GRID2: variants seen among roughly 807,000 people sequenced by gnomAD.
The protein encoded by GRID2 is glutamate receptor ionotropic, delta-2.
Under a neutral mutation model 114.8 loss-of-function variants are expected in GRID2, and 33 were observed. That is an observed-to-expected ratio of 0.29 (90% CI 0.22 to 0.38). The LOEUF is 0.38. Among genes scored for constraint, GRID2 ranks in the 10% least tolerant of loss-of-function variants. The pLI is 1.00. For missense variants in GRID2, 1,184 were observed against 1,257.7 expected (o/e 0.94, Z 0.89); for synonymous variants, 505 against 449.9 (o/e 1.12, Z -1.55).
At chr4:92,445,409 C>A (rs1733403291) in intron 1 of GRID2, among the ~76,000 whole-genome samples, 1 of 152,022 alleles carries the variant, frequency 6.6e-6, no homozygotes, top group African/African-American at 2.4e-5. Context: ...AGGCTTTTGC[C>A]TGAAGTTTAT....
At position 92,810,173 on chromosome 4, in the gene GRID2, A is replaced by T. The variant is rs182603692; in HGVS notation, c.244+219887A>T. 4.8e-3 allele frequency among the ~76,000 whole-genome samples: 732 copies of T among 152,146 alleles called. 10 individuals are homozygous for T. Among genetic ancestry groups the T allele is most frequent in the African/African-American group, 0.017 (694 of 41,546 alleles). Reference sequence around the variant, plus strand: ...TGAATGTCACTTATGTCTCTGAAAGAACTTAAAATTTTTTGAAAATTCATT... The same window carrying T: ...TGAATGTCACTTATGTCTCTGAAAGTACTTAAAATTTTTTGAAAATTCATT... On this transcript the variant is annotated intron_variant, in intron 2 of 15. Transcript: ENST00000282020.
At chr4:92,433,400 G>A (rs1010943425) in intron 1 of GRID2, among the ~76,000 whole-genome samples, 2 of 152,194 alleles carry the variant, frequency 1.3e-5, no homozygotes, top group South Asian at 2.1e-4. Context: ...CTGCAATGGC[G>A]GTGCTTGCCA....
At chr4:93,109,213 C>T (rs551589990) in intron 3 of GRID2, among the ~76,000 whole-genome samples, 1 of 152,284 alleles carries the variant, frequency 6.6e-6, no homozygotes, top group Non-Finnish European at 1.5e-5. Flanking sequence ...ATCTCATCCT[C>T]TGCCCTAGCT....
intron 2 of GRID2, among the ~76,000 whole-genome samples, chr4:92,823,732 T>C (rs1741463791): frequency 2.0e-5 from 3 of 152,180 alleles, no homozygotes; most frequent in Admixed American, 1.3e-4. Flanking sequence ...GAGGTGCTAA[T>C]CTGATAAACT....
intron 4 of GRID2, among the ~76,000 whole-genome samples, chr4:93,173,096 T>C (rs1739007703): frequency 6.6e-6 from 1 of 152,148 alleles, no homozygotes; most frequent in Non-Finnish European, 1.5e-5. Flanking sequence ...TGTATTGCCT[T>C]AAAAATCAAG....
At chr4:93,399,041 G>A (rs773523839) in intron 9 of GRID2, among the ~76,000 whole-genome samples, 20 of 151,698 alleles carry the variant, frequency 1.3e-4, no homozygotes, top group African/African-American at 1.9e-4. Context: ...AGCAACTCCC[G>A]AATCTTGAGG....
At chr4:93,529,676 C>T (rs375505388) in intron 13 of GRID2, among the ~76,000 whole-genome samples, 8 of 151,748 alleles carry the variant, frequency 5.3e-5, no homozygotes, top group African/African-American at 1.2e-4. Context: ...CAAGAGTGTG[C>T]GTGTGTGTGT....
chr4:93,331,969 A>C (rs1457334530), intron 8 of GRID2, among the ~76,000 whole-genome samples: 2 of 152,056 alleles, frequency 1.3e-5, no homozygotes, highest in East Asian at 3.9e-4. Flanking sequence ...CTTTCATTTT[A>C]TTCAGAGTCA....
intron 8 of GRID2, among the ~76,000 whole-genome samples, chr4:93,344,984 AGT>A (rs35018148): frequency 0.2 from 28,016 of 142,172 alleles, 2,656 homozygotes; most frequent in Middle Eastern, 0.34. Context: ...GTTGTATTCT[AGT>A]GTGTGTGTGT....
At chr4:92,672,166 T>G (rs1220954229) in intron 2 of GRID2, among the ~76,000 whole-genome samples, 4 of 152,164 alleles carry the variant, frequency 2.6e-5, no homozygotes, top group Admixed American at 2.6e-4. Context: ...TATTTCCATG[T>G]GTCCATCACC....
intron 8 of GRID2, among the ~76,000 whole-genome samples, chr4:93,311,696 T>C (rs1220316972): frequency 6.6e-6 from 1 of 152,132 alleles, no homozygotes; most frequent in Non-Finnish European, 1.5e-5. Flanking sequence ...GTGGAGATTG[T>C]AAAGTGGTTA....
intron 13 of GRID2, among the ~76,000 whole-genome samples, chr4:93,516,364 G>A (rs983656820): frequency 6.6e-6 from 1 of 152,022 alleles, no homozygotes; most frequent in East Asian, 1.9e-4. Flanking sequence ...CCCTTTATCT[G>A]CCACTGCTAC....
At chr4:93,003,510 G>A (rs1384811044) in intron 2 of GRID2, among the ~76,000 whole-genome samples, 1 of 151,838 alleles carries the variant, frequency 6.6e-6, no homozygotes, top group Non-Finnish European at 1.5e-5. Context: ...ACAATTACTG[G>A]AAGCATTTTA....
intron 8 of GRID2, among the ~76,000 whole-genome samples, chr4:93,317,543 A>G (rs1449011156): frequency 6.6e-6 from 1 of 152,136 alleles, no homozygotes; most frequent in Admixed American, 6.6e-5. Flanking sequence ...CAATTCTAAT[A>G]ATACTGAAAT....
intron 12 of GRID2, among the ~76,000 whole-genome samples, chr4:93,499,131 G>A (rs190277559): frequency 3.3e-5 from 5 of 151,682 alleles, no homozygotes; most frequent in South Asian, 4.2e-4. Context: ...TATATTCCCC[G>A]CTTCTATTTC....
chr4:92,331,704 T>A (rs531051406), intron 1 of GRID2, among the ~76,000 whole-genome samples: 3 of 152,220 alleles, frequency 2.0e-5, no homozygotes, highest in Non-Finnish European at 2.9e-5. Flanking sequence ...ACAATTTTTT[T>A]AAAATCCTGG....
intron 2 of GRID2, among the ~76,000 whole-genome samples, chr4:93,079,312 C>G (rs1218633355): frequency 6.6e-6 from 1 of 151,754 alleles, no homozygotes; most frequent in Non-Finnish European, 1.5e-5. Flanking sequence ...TTATTTGGAG[C>G]TAAAACTATA....
chr4:92,713,011 T>C (rs894096010), intron 2 of GRID2, among the ~76,000 whole-genome samples: 3 of 151,804 alleles, frequency 2.0e-5, no homozygotes, highest in Admixed American at 6.6e-5. Context: ...TTTTTTTTAT[T>C]ATACTTTAAG....
At chr4:92,713,470 CATATACATATATATATATATATATAT>C (rs1373542219) in intron 2 of GRID2, among the ~76,000 whole-genome samples, 208 of 74,868 alleles carry the variant, frequency 2.8e-3, no homozygotes, top group African/African-American at 8.2e-3. Flanking sequence ...TTTACATATA[CATATACATATATATATATATATATAT>C]ATATATATAT....
Sources: gnomAD v4.1 joint callset for allele counts (sites outside exome capture counted in the v4.1 genomes callset) on GRCh38, gnomAD v4.1.1 for gene constraint, MANE v1.5 for transcripts, NCBI Gene and HGNC (gene_info 2026-07-23, HGNC 2026-07-21) for gene names.